The following TANC1 variants were observed in gnomAD, a reference collection of about 807,000 sequenced individuals.
TANC1 encodes protein TANC1.
A neutral mutation model predicts 149.7 loss-of-function variants in TANC1; 77 were observed. That is an observed-to-expected ratio of 0.51 (90% CI 0.43 to 0.62). The LOEUF (loss-of-function observed/expected upper bound fraction) is 0.62. Among genes scored for constraint, TANC1 ranks in the 20% least tolerant of loss-of-function variants. TANC1 has a pLI of 0.00. For missense variants in TANC1, 1,985 were observed against 2,321.8 expected (o/e 0.85, Z 2.98); for synonymous variants, 854 against 925.0 (o/e 0.92, Z 1.39).
intron 2 of TANC1, among the ~76,000 whole-genome samples, chr2:159,012,062 A>G (rs1315297126): frequency 6.6e-6 from 1 of 152,206 alleles, no homozygotes; most frequent in African/African-American, 2.4e-5. Flanking sequence ...ATGGTAAGCT[A>G]GAGGGGTGCT....
rs531548172 is a variant in TANC1 at position 159,017,230 on chromosome 2, C to G, written c.-16+16041C>G. ...GCCACCTGGGGAGTTGGGACCTTAA[C>G]TGTTAGGCAACGGTGGAAATCAAGC... On this transcript the variant is annotated intron_variant, in intron 2 of 26. Transcript: ENST00000263635. Among the ~76,000 whole-genome samples, 3 of 152,270 alleles carry G rather than the reference C, an allele frequency of 2.0e-5. No individual in the cohort carries two copies. In the East Asian group the frequency reaches 5.8e-4, roughly 29 times the overall value.
intron 2 of TANC1, among the ~76,000 whole-genome samples, chr2:159,032,415 G>A (rs890185817): frequency 1.3e-5 from 2 of 152,122 alleles, no homozygotes; most frequent in Non-Finnish European, 2.9e-5. Context: ...ATCTCTCCTG[G>A]ATATAGTGGC....
chr2:159,091,858 A>G (rs538449086), intron 3 of TANC1, among the ~76,000 whole-genome samples: 1 of 152,180 alleles, frequency 6.6e-6, no homozygotes, highest in African/African-American at 2.4e-5. Flanking sequence ...AGGAGATTCT[A>G]TAAGACATAA....
chr2:159,207,072 T>C (rs1490986186), intron 19 of TANC1, among the ~76,000 whole-genome samples: 1 of 152,256 alleles, frequency 6.6e-6, no homozygotes, highest in African/African-American at 2.4e-5. Flanking sequence ...CACACATTAT[T>C]CCTCAAAGGA....
intron 1 of TANC1, among the ~76,000 whole-genome samples, chr2:158,980,103 C>T (rs1049122763): frequency 5.3e-5 from 8 of 152,086 alleles, no homozygotes; most frequent in South Asian, 2.1e-4. Context: ...ACAGGTGTTA[C>T]GCAGGGAAAA....
At chr2:159,012,968 G>A (rs546721744) in intron 2 of TANC1, among the ~76,000 whole-genome samples, 1 of 152,214 alleles carries the variant, frequency 6.6e-6, no homozygotes, top group African/African-American at 2.4e-5. Context: ...TTTTTAGCCA[G>A]GGTATATAAA....
rs766950496 is a variant in TANC1 at position 159,065,871 on chromosome 2, TTCTC to T, written c.-15-21_-15-18del. Reference sequence around the variant, plus strand: ...TCCAACTTTCAATGTTTAATTCCTCTTCTCTCTGTTTCTTTTCTCCTTAGAAACA... The same window carrying T: ...TCCAACTTTCAATGTTTAATTCCTCTTCTGTTTCTTTTCTCCTTAGAAACA... On this transcript the variant is annotated intron_variant, in intron 2 of 26. Transcript: ENST00000263635. 111 of 1,589,396 alleles carry T rather than the reference TTCTC, an allele frequency of 7.0e-5. No individual in the cohort carries two copies. In the Admixed American group the frequency reaches 7.3e-4, roughly 11 times the overall value.
rs191452213 is a variant in TANC1, at chr2:159,203,973, C to T, written c.3244+4920C>T. 4.2e-4 allele frequency among the ~76,000 whole-genome samples: 64 copies of T among 152,266 alleles called. 1 individual carries two copies. The East Asian group carries it at 6.4e-3, about 15-fold the overall frequency. On this transcript the variant is annotated intron_variant, in intron 19 of 26. Coordinates refer to ENST00000263635, the MANE Select transcript of TANC1 (RefSeq NM_033394.3). ...TCTAGTGCTGCCCAATAGAACTTTCCGTAATAATGGAAGTGGTGTCTGTTT... is the reference window on the plus strand; with the variant it reads ...TCTAGTGCTGCCCAATAGAACTTTCTGTAATAATGGAAGTGGTGTCTGTTT...
intron 3 of TANC1, among the ~76,000 whole-genome samples, chr2:159,091,827 A>G (rs1279334211): frequency 6.6e-6 from 1 of 152,218 alleles, no homozygotes; most frequent in Non-Finnish European, 1.5e-5. Context: ...ATTTATTTTC[A>G]AAATGTTCTG....
At chr2:158,999,770 TAGG>T (rs2036462024) in intron 1 of TANC1, among the ~76,000 whole-genome samples, 1 of 152,208 alleles carries the variant, frequency 6.6e-6, no homozygotes, top group Non-Finnish European at 1.5e-5. Flanking sequence ...GAACAGAAAG[TAGG>T]TCCACTGTAC....
At position 158,989,039 on chromosome 2, in the gene TANC1, T is replaced by C. The variant is rs189186082; in HGVS notation, c.-125-12041T>C. Among the ~76,000 whole-genome samples, 12 of 152,254 alleles carry C rather than the reference T, an allele frequency of 7.9e-5. 1 individual carries two copies. The highest frequency in any genetic ancestry group is 7.2e-4 in the Admixed American group (11 of 15,302). Reference sequence around the variant, plus strand: ...GAGTTGCAGGGTGGGGAGAGAAATGTGGACCATAACTGACAGTGTTCACAG... The same window carrying C: ...GAGTTGCAGGGTGGGGAGAGAAATGCGGACCATAACTGACAGTGTTCACAG... On this transcript the variant is annotated intron_variant, in intron 1 of 26. Transcript: ENST00000263635.
intron 5 of TANC1, among the ~76,000 whole-genome samples, chr2:159,141,593 A>G (rs1270312734): frequency 6.6e-6 from 1 of 152,190 alleles, no homozygotes; most frequent in Non-Finnish European, 1.5e-5. Context: ...GGAGACTTCA[A>G]AGTGCTGGTG....
At chr2:159,047,544 C>T (rs2041166950) in intron 2 of TANC1, among the ~76,000 whole-genome samples, 1 of 152,116 alleles carries the variant, frequency 6.6e-6, no homozygotes, top group Admixed American at 6.6e-5. Flanking sequence ...GAGATAAATG[C>T]ATATCTCATT....
intron 2 of TANC1, among the ~76,000 whole-genome samples, chr2:159,061,240 A>G (rs1205356164): frequency 6.6e-6 from 1 of 152,174 alleles, no homozygotes; most frequent in Non-Finnish European, 1.5e-5. Context: ...TGTAGTAACA[A>G]AGAGGCTGGT....
chr2:159,184,666 A>G (rs761378228), intron 14 of TANC1, among the ~76,000 whole-genome samples: 1 of 152,150 alleles, frequency 6.6e-6, no homozygotes, highest in Non-Finnish European at 1.5e-5. Flanking sequence ...CTAGAGCACT[A>G]GAGAGATGCT....
intron 2 of TANC1, among the ~76,000 whole-genome samples, chr2:159,032,257 T>A (rs1225992004): frequency 2.4e-4 from 36 of 152,206 alleles, no homozygotes; most frequent in Non-Finnish European, 4.4e-5. Flanking sequence ...ATATTCCAGA[T>A]CAGAATGGCA....
intron 9 of TANC1, 52 bp from the exon 10 acceptor site, chr2:159,170,472 T>C (rs1170647114): frequency 1.3e-6 from 2 of 1,490,924 alleles, no homozygotes; most frequent in African/African-American, 2.8e-5. Flanking sequence ...TTGAGTTTCT[T>C]AGTTTATAAA....
chr2:159,185,083 C>G (rs528488941), intron 14 of TANC1, among the ~76,000 whole-genome samples: 1 of 152,276 alleles, frequency 6.6e-6, no homozygotes, highest in African/African-American at 2.4e-5. Flanking sequence ...CCAAACAGCT[C>G]AAAGTTGACA....
At chr2:158,990,008 C>T (rs879808403) in intron 1 of TANC1, among the ~76,000 whole-genome samples, 17 of 152,010 alleles carry the variant, frequency 1.1e-4, no homozygotes, top group Non-Finnish European at 2.2e-4. Context: ...CTCCACCTCC[C>T]GGGTTCAAGC....
Sources: allele counts gnomAD v4.1 joint callset (sites outside exome capture counted in the v4.1 genomes callset), GRCh38; gene constraint gnomAD v4.1.1; transcripts MANE v1.5; gene names NCBI Gene and HGNC (gene_info 2026-07-23, HGNC 2026-07-21).